CLSTN2: variants seen among roughly 807,000 people sequenced by gnomAD.
The protein encoded by CLSTN2 is calsyntenin 2.
In CLSTN2, 48 loss-of-function variants were observed where a neutral mutation model predicts 101.2. That is an observed-to-expected ratio of 0.47 (90% CI 0.38 to 0.60). The LOEUF is 0.60. Among genes scored for constraint, CLSTN2 ranks in the 20% least tolerant of loss-of-function variants. The pLI is 0.00. For synonymous variants in CLSTN2, 481 were observed against 463.6 expected, an observed-to-expected ratio of 1.04 and a Z score of -0.48; for missense variants, 1,160 against 1,238.2, an observed-to-expected ratio of 0.94 and a Z score of 0.95.
rs562097114 is a variant in CLSTN2 at position 140,172,457 on chromosome 3, G to A, written c.110-3494G>A. Among the ~76,000 whole-genome samples the A allele has an allele frequency of 1.1e-4, 17 of 152,208 alleles. No individual in the cohort carries two copies. The South Asian group carries it at 3.3e-3, about 30-fold the overall frequency. ...AGGGGAAGGATTTGGCAAGAACTGG[G>A]TTCTCACCAGATGAGGTGAAAACTC... is the stretch of plus-strand genomic sequence containing the variant. On this transcript the variant is annotated intron_variant, in intron 1 of 16. Transcript: ENST00000458420.
chr3:140,120,420 C>T (rs1004676445), intron 1 of CLSTN2, among the ~76,000 whole-genome samples: 1 of 152,158 alleles, frequency 6.6e-6, no homozygotes, highest in Admixed American at 6.5e-5. Context: ...CTAGGAACCT[C>T]GATGAGTTCA....
chr3:139,948,683 T>A (rs1215118297), intron 1 of CLSTN2, among the ~76,000 whole-genome samples: 1 of 152,148 alleles, frequency 6.6e-6, no homozygotes, highest in Non-Finnish European at 1.5e-5. Flanking sequence ...TTACTCACAT[T>A]TTCCACTAGC....
chr3:139,969,863 C>T (rs1181537786), intron 1 of CLSTN2, among the ~76,000 whole-genome samples: 2 of 152,224 alleles, frequency 1.3e-5, no homozygotes, highest in Admixed American at 6.5e-5. Flanking sequence ...CACATCATGG[C>T]ATTGATTCTC....
At position 140,572,210 on chromosome 3, in the gene CLSTN2, T is replaced by C. The variant is rs1367930868; in HGVS notation, c.*5957T>C. On this transcript the variant is annotated 3_prime_UTR_variant, in exon 17 of 17. Coordinates refer to ENST00000458420, the MANE Select transcript of CLSTN2 (RefSeq NM_022131.3). ...CCCTAAGTCAGATGACAGGTGTAAT[T>C]CTAGGGGCCCTGATATGCATCACTG... The C allele has an allele frequency of 6.6e-6, 1 of 152,150 alleles. No individual in the cohort carries two copies. The highest frequency in any genetic ancestry group is 6.5e-5 in the Admixed American group (1 of 15,278). The allele number at this position is 152,150 out of a possible 1,614,324, so 9.4% of individuals were successfully genotyped here.
chr3:140,471,881 A>C (rs893511635), intron 8 of CLSTN2, among the ~76,000 whole-genome samples: 1 of 152,248 alleles, frequency 6.6e-6, no homozygotes, highest in African/African-American at 2.4e-5. Flanking sequence ...TTACAAAAAC[A>C]GATCATCTGG....
At chr3:140,286,415 C>T (rs150436946) in intron 2 of CLSTN2, among the ~76,000 whole-genome samples, 1 of 150,972 alleles carries the variant, frequency 6.6e-6, no homozygotes, top group African/African-American at 2.4e-5. Flanking sequence ...AGGGGGCAGA[C>T]AGGAGGTGCA....
At chr3:139,947,950 C>A (rs931316966) in intron 1 of CLSTN2, among the ~76,000 whole-genome samples, 7 of 152,050 alleles carry the variant, frequency 4.6e-5, no homozygotes, top group Non-Finnish European at 5.9e-5. Context: ...AGTCAGGGAC[C>A]AGCCAAGAAT....
chr3:139,955,051 A>C lies in CLSTN2; in HGVS notation c.109+19568A>C, dbSNP rs1044710579. On this transcript the variant is annotated intron_variant, in intron 1 of 16. Coordinates refer to ENST00000458420, the MANE Select transcript of CLSTN2 (RefSeq NM_022131.3). ...CATATATAACATATATATTAAATATAGCATATATGTTGCTATATATACACA... is the reference window on the plus strand; with the variant it reads ...CATATATAACATATATATTAAATATCGCATATATGTTGCTATATATACACA... 2.1e-5 allele frequency among the ~76,000 whole-genome samples: 3 copies of C among 142,836 alleles called. No homozygotes were observed. The East Asian group carries it at 6.2e-4, about 30-fold the overall frequency. 93.7% of individuals were successfully genotyped at this position (142,836 alleles called of 152,430 possible).
chr3:140,016,722 C>T (rs2007208235), intron 1 of CLSTN2, among the ~76,000 whole-genome samples: 1 of 147,282 alleles, frequency 6.8e-6, no homozygotes, highest in South Asian at 2.2e-4. Context: ...TCGCTTGAAC[C>T]TCAGAGGCGC....
intron 1 of CLSTN2, among the ~76,000 whole-genome samples, chr3:140,029,082 T>A (rs189183488): frequency 6.6e-6 from 1 of 152,350 alleles, no homozygotes; most frequent in East Asian, 1.9e-4. Context: ...ATGAGTTTGG[T>A]GGGTGCACTT....
intron 2 of CLSTN2, among the ~76,000 whole-genome samples, chr3:140,364,773 C>T (rs1444643018): frequency 1.3e-5 from 2 of 152,120 alleles, no homozygotes; most frequent in Admixed American, 6.5e-5. Context: ...TGTATTACAG[C>T]CACAGGGAAA....
At chr3:140,247,920 T>C (rs139544456) in intron 2 of CLSTN2, among the ~76,000 whole-genome samples, 285 of 152,296 alleles carry the variant, frequency 1.9e-3, no homozygotes, top group African/African-American at 6.7e-3. Flanking sequence ...GCCACACCCA[T>C]AGACTCTGAT....
At chr3:140,558,891 A>G (rs766466642) in intron 12 of CLSTN2, 34 bp downstream of exon 12, 1 of 1,575,050 alleles carries the variant, frequency 6.3e-7, no homozygotes, top group Non-Finnish European at 8.7e-7. Flanking sequence ...GGGAGGGTGG[A>G]CCTTAATTTT....
chr3:140,050,446 G>A (rs1553794113), intron 1 of CLSTN2, among the ~76,000 whole-genome samples: 1 of 152,174 alleles, frequency 6.6e-6, no homozygotes, highest in Non-Finnish European at 1.5e-5. Flanking sequence ...AATATTCAGG[G>A]CTAGCATCAT....
At chr3:140,527,224 T>C (rs1935162058) in intron 8 of CLSTN2, among the ~76,000 whole-genome samples, 1 of 151,864 alleles carries the variant, frequency 6.6e-6, no homozygotes, top group East Asian at 1.9e-4. Context: ...GGAACATAAA[T>C]CAACAAGCAA....
rs570847695 is a variant in CLSTN2, at chr3:139,989,015, G to A, written c.109+53532G>A. On this transcript the variant is annotated intron_variant, in intron 1 of 16. Transcript: ENST00000458420. ...TCCTCAGCAAGGGCAGGGAAAGCCC[G>A]CTAACCTGAGACAGCTCCTTCAATC... Among the ~76,000 whole-genome samples, 116 of 152,268 alleles carry A rather than the reference G, an allele frequency of 7.6e-4. No individual in the cohort carries two copies. In the Middle Eastern group the frequency reaches 0.01, roughly 13 times the overall value.
intron 2 of CLSTN2, among the ~76,000 whole-genome samples, chr3:140,259,754 C>A (rs940143712): frequency 6.6e-6 from 1 of 152,124 alleles, no homozygotes; most frequent in Non-Finnish European, 1.5e-5. Flanking sequence ...ATTCTGGCAT[C>A]TTTCACTCAG....
chr3:140,199,459 A>T (rs2010690940), intron 2 of CLSTN2, among the ~76,000 whole-genome samples: 1 of 152,180 alleles, frequency 6.6e-6, no homozygotes, highest in Admixed American at 6.5e-5. Context: ...GAAACCTAGT[A>T]GGCATTTCTG....
rs1576625536 is a variant in CLSTN2 at position 140,556,426 on chromosome 3, G to T, written c.1675-87G>T. ...TCTAGAGGTGTTTATGGTGACCCTT[G>T]GTGCCCTGTATGGACAGGAAGTGCT... On this transcript the variant is annotated intron_variant, in intron 10 of 16. Transcript: ENST00000458420. 2.3e-6 allele frequency: 3 copies of T among 1,297,196 alleles called. No homozygotes were observed. In the East Asian group the frequency reaches 7.0e-5, roughly 30 times the overall value. The allele number at this position is 1,297,196 out of a possible 1,614,324, so 80.4% of individuals were successfully genotyped here.
Sources: allele counts gnomAD v4.1 joint callset (sites outside exome capture counted in the v4.1 genomes callset), GRCh38; gene constraint gnomAD v4.1.1; transcripts MANE v1.5; gene names NCBI Gene and HGNC (gene_info 2026-07-23, HGNC 2026-07-21).